The following BCL2 variants were observed in gnomAD, a reference collection of about 807,000 sequenced individuals.
The protein encoded by BCL2 is apoptosis regulator Bcl-2.
In BCL2, 1 loss-of-function variant was observed where a neutral mutation model predicts 14.2. That is an observed-to-expected ratio of 0.07 (90% CI 0.02 to 0.33). The LOEUF (loss-of-function observed/expected upper bound fraction) is 0.33. Among genes scored for constraint, BCL2 ranks in the 10% least tolerant of loss-of-function variants. The pLI, the probability that BCL2 is intolerant of heterozygous loss-of-function variation, is 0.99. For missense variants in BCL2, 247 were observed against 305.9 expected, an observed-to-expected ratio of 0.81 and a Z score of 1.44; for synonymous variants, 151 against 137.2, an observed-to-expected ratio of 1.10 and a Z score of -0.70.
chr18:63,181,517 G>T (rs1348434075), intron 2 of BCL2, among the ~76,000 whole-genome samples: 2 of 152,172 alleles, frequency 1.3e-5, no homozygotes, highest in African/African-American at 2.4e-5. Context: ...AGTGAGCCCG[G>T]ACCTCTGTGT....
chr18:63,259,280 A>G (rs183640902), intron 2 of BCL2, among the ~76,000 whole-genome samples: 39 of 152,382 alleles, frequency 2.6e-4, no homozygotes, highest in Admixed American at 2.3e-3. Flanking sequence ...CATCACAGAA[A>G]GAAAGCGGGC....
chr18:63,149,068 A>T lies in BCL2; in HGVS notation c.586-20309T>A, dbSNP rs1309222052. Among the ~76,000 whole-genome samples, 2 of 152,210 alleles carry T rather than the reference A, an allele frequency of 1.3e-5. No individual in the cohort carries two copies. The highest frequency in any genetic ancestry group is 4.8e-5 in the African/African-American group (2 of 41,452). On this transcript the variant is annotated intron_variant, in intron 2 of 2. Coordinates refer to ENST00000333681, the MANE Select transcript of BCL2 (RefSeq NM_000633.3). This position sits in a 1 kb window ranked among gnomAD's most constrained non-coding sequence, Gnocchi z 4.2. The stretch of plus-strand genomic sequence containing the variant: ...AGTCATAAGTGTGCATGGAGCAGCG[A>T]CGTGCTTATGCTGACACCTCTGTCT...
chr18:63,282,334 A>T (rs1395772781), intron 2 of BCL2, among the ~76,000 whole-genome samples: 1 of 152,216 alleles, frequency 6.6e-6, no homozygotes, highest in Non-Finnish European at 1.5e-5. Context: ...ACTAGCAGTT[A>T]TTTCTCTCAT....
At chr18:63,202,967 G>GGCCTACA (rs1401765409) in intron 2 of BCL2, among the ~76,000 whole-genome samples, 2 of 152,184 alleles carry the variant, frequency 1.3e-5, no homozygotes, top group Non-Finnish European at 2.9e-5. Flanking sequence ...CAAGCGTCCT[G>GGCCTACA]GCCTACAGCC....
chr18:63,286,736 G>A (rs1912485407), intron 2 of BCL2, among the ~76,000 whole-genome samples: 2 of 152,118 alleles, frequency 1.3e-5, no homozygotes, highest in Non-Finnish European at 2.9e-5. Flanking sequence ...AAGGAGAGAA[G>A]GCAGAGATGG....
At chr18:63,259,649 C>A (rs1037946798) in intron 2 of BCL2, among the ~76,000 whole-genome samples, 2 of 152,212 alleles carry the variant, frequency 1.3e-5, no homozygotes, top group Non-Finnish European at 1.5e-5. Flanking sequence ...GGTTACCTTA[C>A]CCACCTACGT....
intron 2 of BCL2, among the ~76,000 whole-genome samples, chr18:63,276,397 T>C (rs778175530): frequency 5.3e-5 from 8 of 152,132 alleles, no homozygotes; most frequent in Non-Finnish European, 8.8e-5. Flanking sequence ...CACAGGACAA[T>C]TGGGAGTCAT....
At chr18:63,243,894 T>C (rs1911082479) in intron 2 of BCL2, among the ~76,000 whole-genome samples, 1 of 152,224 alleles carries the variant, frequency 6.6e-6, no homozygotes. Flanking sequence ...ACTTCATTAT[T>C]ACTGAAAACT....
intron 2 of BCL2, among the ~76,000 whole-genome samples, chr18:63,180,430 C>T (rs758801032): frequency 1.3e-5 from 2 of 152,268 alleles, no homozygotes; most frequent in Non-Finnish European, 2.9e-5. Flanking sequence ...CGGCTTGCTC[C>T]GATTCCCCGG....
chr18:63,142,659 G>T (rs1914397105), intron 2 of BCL2, among the ~76,000 whole-genome samples: 1 of 152,168 alleles, frequency 6.6e-6, no homozygotes, highest in African/African-American at 2.4e-5. Flanking sequence ...CATGGGAGAG[G>T]CTTCTTATCC....
chr18:63,252,634 T>C lies in BCL2; in HGVS notation c.585+65448A>G, dbSNP rs1911348992. 1.3e-5 allele frequency among the ~76,000 whole-genome samples: 2 copies of C among 152,224 alleles called. 1 individual carries two copies. Among genetic ancestry groups the C allele is most frequent in the Non-Finnish European group, 2.9e-5 (2 of 68,032 alleles). On this transcript the variant is annotated intron_variant, in intron 2 of 2. Transcript: ENST00000333681. ...CTCTCTTTGCCTGCCACCATCCATG[T>C]AAGATGTGACTTGATCCTCTCCTCT...
chr18:63,164,719 A>G (rs1276603917), intron 2 of BCL2, among the ~76,000 whole-genome samples: 1 of 152,240 alleles, frequency 6.6e-6, no homozygotes, highest in Admixed American at 6.5e-5. Flanking sequence ...TGGCTGAAAA[A>G]TCATTCCATG....
chr18:63,236,059 T>G (rs1910821445), intron 2 of BCL2, among the ~76,000 whole-genome samples: 1 of 151,946 alleles, frequency 6.6e-6, no homozygotes, highest in Admixed American at 6.6e-5. Context: ...TGGAGGTGGG[T>G]TTTTCCCAAG....
At chr18:63,317,488 T>C in intron 2 of BCL2, 1 of 939,582 alleles carries the variant, frequency 1.1e-6, no homozygotes, top group Non-Finnish European at 1.3e-6. Context: ...TCAACTTAGC[T>C]CTTTACAAAC....
chr18:63,302,685 G>A, intron 2 of BCL2: 3 of 984,240 alleles, frequency 3.0e-6, no homozygotes, highest in Non-Finnish European at 3.6e-6. Context: ...TAACACAAGA[G>A]ATATATAAAT....
At chr18:63,187,925 C>G (rs1332887428) in intron 2 of BCL2, among the ~76,000 whole-genome samples, 2 of 152,214 alleles carry the variant, frequency 1.3e-5, no homozygotes, top group Non-Finnish European at 2.9e-5. Context: ...AGGTCCAGCT[C>G]TGAAAGCTGG....
chr18:63,233,541 C>T (rs1188376984), intron 2 of BCL2, among the ~76,000 whole-genome samples: 2 of 152,130 alleles, frequency 1.3e-5, no homozygotes, highest in South Asian at 2.1e-4. Context: ...TCATAAGGAG[C>T]GAGCAACCAA....
At chr18:63,262,168 C>T (rs376770177) in intron 2 of BCL2, among the ~76,000 whole-genome samples, 39 of 152,320 alleles carry the variant, frequency 2.6e-4, no homozygotes, top group African/African-American at 8.9e-4. Flanking sequence ...CCACCTGCCT[C>T]GGCCTCCCAC....
At chr18:63,198,259 GACAC>G (rs1436733744) in intron 2 of BCL2, among the ~76,000 whole-genome samples, 4 of 130,384 alleles carry the variant, frequency 3.1e-5, no homozygotes, top group African/African-American at 1.2e-4. Flanking sequence ...CACACACACA[GACAC>G]ACACTGACAC....
Sources: gnomAD v4.1 joint callset for allele counts (sites outside exome capture counted in the v4.1 genomes callset) on GRCh38, gnomAD v4.1.1 for gene constraint, Gnocchi (gnomAD v3.1) non-coding constraint, MANE v1.5 for transcripts, NCBI Gene and HGNC (gene_info 2026-07-23, HGNC 2026-07-21) for gene names.